The following CARMIL1 variants were observed in gnomAD, a reference collection of about 807,000 sequenced individuals.
The protein encoded by CARMIL1 is F-actin-uncapping protein LRRC16A.
In CARMIL1, 90 loss-of-function variants were observed where a neutral mutation model predicts 177.1. The ratio of observed to expected loss-of-function variants is 0.51; its 90% CI spans 0.43 to 0.61. The LOEUF (loss-of-function observed/expected upper bound fraction) is 0.61, where lower values mean the gene tolerates loss of function less well. CARMIL1 is among the 20% of genes least tolerant of loss of function. The pLI is 0.00. For missense variants in CARMIL1, 1,380 were observed against 1,667.0 expected, an observed-to-expected ratio of 0.83 and a Z score of 3.00; for synonymous variants, 577 against 606.2, an observed-to-expected ratio of 0.95 and a Z score of 0.71.
chr6:25,293,703 C>T (rs1370570490), intron 2 of CARMIL1, among the ~76,000 whole-genome samples: 1 of 151,786 alleles, frequency 6.6e-6, no homozygotes, highest in Non-Finnish European at 1.5e-5. Context: ...CCTTCCTTTC[C>T]CCCTTCCCTT....
At chr6:25,459,272 T>TCTTTCTTTC (rs1477339182) in intron 8 of CARMIL1, among the ~76,000 whole-genome samples, 29 of 134,952 alleles carry the variant, frequency 2.1e-4, no homozygotes, top group East Asian at 9.5e-4. Flanking sequence ...CTTTCTTTTT[T>TCTTTCTTTC]TTTTTTTTAA....
chr6:25,375,771 C>A (rs368283033), intron 2 of CARMIL1, among the ~76,000 whole-genome samples: 1 of 152,116 alleles, frequency 6.6e-6, no homozygotes, highest in Non-Finnish European at 1.5e-5. Context: ...TCTAGTCTAG[C>A]GTTAAAACTT....
intron 23 of CARMIL1, among the ~76,000 whole-genome samples, chr6:25,526,554 C>CTT (rs1168586740): frequency 6.9e-6 from 1 of 145,176 alleles, no homozygotes; most frequent in South Asian, 2.2e-4. Context: ...CTCTTCTGTT[C>CTT]TTTTTTTTTT....
chr6:25,555,176 CAT>C (rs1180371495), intron 28 of CARMIL1, among the ~76,000 whole-genome samples: 1 of 152,130 alleles, frequency 6.6e-6, no homozygotes, highest in African/African-American at 2.4e-5. Context: ...TATCCAAACA[CAT>C]GTTATCTTTC....
intron 6 of CARMIL1, 67 bp from the exon 7 acceptor site, chr6:25,450,272 G>T (rs1248147795): frequency 5.3e-6 from 6 of 1,125,870 alleles, no homozygotes; most frequent in Non-Finnish European, 8.0e-6. Flanking sequence ...CCATATTTAA[G>T]CTTTAAAATT....
At chr6:25,294,766 C>G (rs1782262803) in intron 2 of CARMIL1, among the ~76,000 whole-genome samples, 1 of 152,238 alleles carries the variant, frequency 6.6e-6, no homozygotes. Context: ...AGACTTATCA[C>G]TATTCTGATC....
intron 20 of CARMIL1, among the ~76,000 whole-genome samples, chr6:25,514,929 CAAAAAAAAAAAA>C (rs34908768): frequency 1.5e-5 from 2 of 133,944 alleles, no homozygotes; most frequent in African/African-American, 5.5e-5. Flanking sequence ...GACCCTGTCT[CAAAAAAAAAAAA>C]AAGATAAAAT....
At chr6:25,555,410 C>G (rs1191257918) in intron 28 of CARMIL1, among the ~76,000 whole-genome samples, 1 of 151,464 alleles carries the variant, frequency 6.6e-6, no homozygotes, top group Non-Finnish European at 1.5e-5. Flanking sequence ...TTCATTCATT[C>G]ATTCATTCAG....
chr6:25,286,766 A>G (rs1158156902), intron 2 of CARMIL1, among the ~76,000 whole-genome samples: 1 of 152,220 alleles, frequency 6.6e-6, no homozygotes, highest in Admixed American at 6.5e-5. Context: ...TTATGCTAAG[A>G]ACAAACCCAC....
At chr6:25,561,733 G>A (rs1025053312) in intron 29 of CARMIL1, among the ~76,000 whole-genome samples, 56 of 152,218 alleles carry the variant, frequency 3.7e-4, no homozygotes, top group African/African-American at 1.2e-3. Flanking sequence ...TCACAGGGTC[G>A]CCAAGCACAG....
chr6:25,437,186 C>T (rs1216635960), intron 5 of CARMIL1, among the ~76,000 whole-genome samples: 1 of 152,124 alleles, frequency 6.6e-6, no homozygotes, highest in Non-Finnish European at 1.5e-5. Context: ...ATAATGTGCT[C>T]GCTTTCCTTC....
At chr6:25,431,827 AC>A (rs2150748739) in intron 4 of CARMIL1, among the ~76,000 whole-genome samples, 1 of 152,232 alleles carries the variant, frequency 6.6e-6, no homozygotes, top group East Asian at 1.9e-4. Context: ...CAGTGTCAGT[AC>A]CAAATGAATA....
intron 5 of CARMIL1, among the ~76,000 whole-genome samples, chr6:25,447,293 C>T (rs1200978218): frequency 6.6e-6 from 1 of 152,142 alleles, no homozygotes; most frequent in South Asian, 2.1e-4. Flanking sequence ...TCCATGCCAA[C>T]AGAATGTATT....
At chr6:25,426,616 C>A in intron 4 of CARMIL1, 56 bp downstream of exon 4, 2 of 1,497,496 alleles carry the variant, frequency 1.3e-6, no homozygotes, top group East Asian at 4.6e-5. Flanking sequence ...ATTCTTGAAA[C>A]CCTAAAATGT....
At chr6:25,291,107 A>G (rs977521614) in intron 2 of CARMIL1, among the ~76,000 whole-genome samples, 21 of 152,204 alleles carry the variant, frequency 1.4e-4, no homozygotes, top group African/African-American at 4.8e-4. Flanking sequence ...CCAATGCACC[A>G]GGCCTGAAAT....
At chr6:25,605,956 A>T in intron 34 of CARMIL1, 105 bp from the exon 35 acceptor site, 1 of 725,902 alleles carries the variant, frequency 1.4e-6, no homozygotes, top group East Asian at 2.7e-5. Context: ...AACATCCGTG[A>T]TGAGAAACGA....
chr6:25,475,083 C>T (rs937861682), intron 11 of CARMIL1, among the ~76,000 whole-genome samples: 2 of 152,222 alleles, frequency 1.3e-5, no homozygotes, highest in Non-Finnish European at 2.9e-5. Context: ...GGTACAGCCA[C>T]ATGCAAAACA....
At chr6:25,357,202 T>G (rs1285128034) in intron 2 of CARMIL1, among the ~76,000 whole-genome samples, 1 of 152,118 alleles carries the variant, frequency 6.6e-6, no homozygotes, top group African/African-American at 2.4e-5. Context: ...TTCCTACCAC[T>G]TAGATGGTTG....
At chr6:25,383,943 A>G (rs1269528249) in intron 2 of CARMIL1, among the ~76,000 whole-genome samples, 7 of 152,078 alleles carry the variant, frequency 4.6e-5, no homozygotes, top group Admixed American at 2.6e-4. Context: ...GGTTCAAGCA[A>G]TTCTCCCTGC....
Sources: gnomAD v4.1 joint callset for allele counts (sites outside exome capture counted in the v4.1 genomes callset) on GRCh38, gnomAD v4.1.1 for gene constraint, MANE v1.5 for transcripts, NCBI Gene and HGNC (gene_info 2026-07-23, HGNC 2026-07-21) for gene names.